The following IDO2 variants were observed in gnomAD, a reference collection of about 807,000 sequenced individuals.
The protein encoded by IDO2 is indoleamine 2,3-dioxygenase-like 1 protein.
In IDO2, 46 loss-of-function variants were observed where a neutral mutation model predicts 45.1. That is an observed-to-expected ratio of 1.02 (90% CI 0.80 to 1.30). The LOEUF is 1.30. Ranked by LOEUF, IDO2 falls within the 50% of genes most tolerant of loss-of-function variation. IDO2 has a pLI of 0.00. For missense variants in IDO2, 544 were observed against 491.8 expected (o/e 1.11, Z -1.00); for synonymous variants, 218 against 184.9 (o/e 1.18, Z -1.45).
chr8:40,015,209 T>C (rs1317641180), intron 10 of IDO2, 38 bp from the exon 11 acceptor site: 1 of 1,160,678 alleles, frequency 8.6e-7, no homozygotes, highest in Non-Finnish European at 1.2e-6. Context: ...TATATTTCCA[T>C]GTGGAGCTAT....
chr8:39,972,658 A>G (rs1808197036), intron 3 of IDO2, among the ~76,000 whole-genome samples: 1 of 148,918 alleles, frequency 6.7e-6, no homozygotes, highest in African/African-American at 2.5e-5. Context: ...AAAAAATGCT[A>G]ACAAACAGAT....
chr8:39,939,170 G>C (rs1488784183), intron 1 of IDO2, among the ~76,000 whole-genome samples: 2 of 151,060 alleles, frequency 1.3e-5, no homozygotes, highest in Non-Finnish European at 2.9e-5. Flanking sequence ...TTGAACCCAG[G>C]AGGTGGAGGT....
At chr8:39,981,564 C>T (rs1036447026) in intron 4 of IDO2, among the ~76,000 whole-genome samples, 1 of 152,090 alleles carries the variant, frequency 6.6e-6, no homozygotes, top group South Asian at 2.1e-4. Context: ...CCCACCACCC[C>T]GCCTCAGATC....
chr8:39,949,321 G>T (rs1807782198), intron 2 of IDO2, 57 bp downstream of exon 2: 1 of 1,380,158 alleles, frequency 7.2e-7, no homozygotes, highest in Admixed American at 2.5e-5. Context: ...GATGTTGGTT[G>T]GTTTGTTTTT....
chr8:39,938,561 G>A (rs770288778), intron 1 of IDO2, among the ~76,000 whole-genome samples: 47 of 128,964 alleles, frequency 3.6e-4, no homozygotes, highest in Non-Finnish European at 6.8e-4. Flanking sequence ...CACCAAAGGC[G>A]CAATCAATGA....
At chr8:39,947,016 C>T (rs765145024) in intron 1 of IDO2, among the ~76,000 whole-genome samples, 3 of 151,578 alleles carry the variant, frequency 2.0e-5, no homozygotes, top group East Asian at 1.9e-4. Flanking sequence ...AAAAAATTGG[C>T]GTGGTGGTGG....
intron 8 of IDO2, among the ~76,000 whole-genome samples, chr8:40,001,313 G>A (rs1379147990): frequency 2.8e-5 from 4 of 143,020 alleles, no homozygotes; most frequent in East Asian, 4.1e-4. Context: ...GCAGTGGTGC[G>A]ATCTTGGCTC....
At position 39,942,952 on chromosome 8, in the gene IDO2, A is replaced by G. The variant is rs10105007; in HGVS notation, c.-17-6197A>G. On this transcript the variant is annotated intron_variant, in intron 1 of 10. Coordinates refer to ENST00000502986, the Ensembl canonical transcript of IDO2. ...GGGCCATCTTTTCATTTGAGATTGAAGGAAAGAACGAGAGGACAATTAAAC... is the reference window on the plus strand; with the variant it reads ...GGGCCATCTTTTCATTTGAGATTGAGGGAAAGAACGAGAGGACAATTAAAC... Among the ~76,000 whole-genome samples the G allele has an allele frequency of 9.1e-3, 1,384 of 152,362 alleles. 25 individuals are homozygous for G. The highest frequency in any genetic ancestry group is 0.032 in the African/African-American group (1,313 of 41,588).
intron 9 of IDO2, among the ~76,000 whole-genome samples, chr8:40,010,948 T>C (rs1802301069): frequency 6.6e-6 from 1 of 152,150 alleles, no homozygotes. Context: ...GTCTTGCTCT[T>C]TCGCCCAAAC....
intron 5 of IDO2, among the ~76,000 whole-genome samples, chr8:39,983,562 A>G (rs369881751): frequency 7.2e-5 from 11 of 152,200 alleles, no homozygotes; most frequent in Admixed American, 3.3e-4. Flanking sequence ...CCTAGATTTT[A>G]AGACTAATTT....
rs546465212 is a variant in IDO2 at position 39,985,089 on chromosome 8, A to C, written c.435-419A>C. On this transcript the variant is annotated intron_variant, in intron 5 of 10. Transcript: ENST00000502986. ...TGGGATTGCAGGCACCTACCACCAC[A>C]CCCGACTAATTTTTGTATTTTTAGA... 3.3e-5 allele frequency: 10 copies of C among 304,952 alleles called. No homozygotes were observed. The East Asian group carries it at 1.0e-3, about 31-fold the overall frequency. The allele number at this position is 304,952 out of a possible 1,614,324, so 18.9% of individuals were successfully genotyped here.
chr8:39,989,718 T>C lies in IDO2; in HGVS notation c.550-3T>C. The C allele has an allele frequency of 1.9e-6, 3 of 1,573,648 alleles. No individual in the cohort carries two copies. The highest frequency in any genetic ancestry group is 2.3e-5 in the East Asian group (1 of 42,880). ...AAGTTGTGTACATGCATCTCATCCC[T>C]AGGCTCTTGTTCAGGCCACGAATGC... On this transcript the variant is annotated splice_region_variant and splice_polypyrimidine_tract_variant and intron_variant, in intron 7 of 10. Transcript: ENST00000502986.
chr8:39,946,946 G>A (rs944262365), intron 1 of IDO2, among the ~76,000 whole-genome samples: 1 of 151,904 alleles, frequency 6.6e-6, no homozygotes, highest in African/African-American at 2.4e-5. Flanking sequence ...GATCTCCTGA[G>A]GTCAGGAGTT....
intron 1 of IDO2, among the ~76,000 whole-genome samples, chr8:39,935,959 C>G (rs1807541045): frequency 6.6e-6 from 1 of 152,110 alleles, no homozygotes; most frequent in Admixed American, 6.6e-5. Context: ...CAATAATGAA[C>G]ATACTTCATC....
intron 8 of IDO2, among the ~76,000 whole-genome samples, chr8:40,005,122 TA>T (rs1802200797): frequency 6.6e-6 from 1 of 152,164 alleles, no homozygotes; most frequent in Non-Finnish European, 1.5e-5. Flanking sequence ...AAGGGCAACA[TA>T]TGGAATAGTT....
chr8:39,946,679 A>G (rs891358742), intron 1 of IDO2, among the ~76,000 whole-genome samples: 4 of 152,154 alleles, frequency 2.6e-5, no homozygotes, highest in Non-Finnish European at 5.9e-5. Context: ...GAATCATAAT[A>G]AAACTCCAGT....
chr8:39,942,487 C>T, intron 1 of IDO2, among the ~76,000 whole-genome samples: 1 of 152,086 alleles, frequency 6.6e-6, no homozygotes, highest in Non-Finnish European at 1.5e-5. Flanking sequence ...CTACCAAAAC[C>T]ACAATTACCC....
chr8:39,978,293 C>A (rs1173591741), intron 3 of IDO2, among the ~76,000 whole-genome samples: 1 of 152,136 alleles, frequency 6.6e-6, no homozygotes, highest in African/African-American at 2.4e-5. Context: ...GGGGACCACC[C>A]GGGAAGATCC....
At chr8:39,935,799 C>T (rs7846217) in intron 1 of IDO2, among the ~76,000 whole-genome samples, 120,740 of 152,126 alleles carry the variant, frequency 0.79, 48,827 homozygotes, top group South Asian at 0.87. Context: ...TCAAGAACAC[C>T]ACATAAAGTA....
Sources: gnomAD v4.1 joint callset for allele counts (sites outside exome capture counted in the v4.1 genomes callset) on GRCh38, gnomAD v4.1.1 for gene constraint, MANE v1.5 for transcripts, NCBI Gene and HGNC (gene_info 2026-07-23, HGNC 2026-07-21) for gene names.